LZTR1: variants seen among roughly 807,000 people sequenced by gnomAD.
LZTR1 encodes the protein leucine-zipper-like transcriptional regulator 1.
LZTR1 carries 260 observed loss-of-function variants against 105.7 expected under a neutral mutation model. The ratio of observed to expected loss-of-function variants is 2.46; its 90% CI spans 2.22 to 2.72. The LOEUF (loss-of-function observed/expected upper bound fraction) is 2.72, where lower values mean the gene tolerates loss of function less well. Among genes scored for constraint, LZTR1 ranks in the 30% most tolerant of loss-of-function variants. The pLI is 0.00. For synonymous variants in LZTR1, 490 were observed against 476.4 expected (o/e 1.03, Z -0.37); for missense variants, 1,214 against 1,166.9 (o/e 1.04, Z -0.59).
At chr22:20,983,644 C>G (rs1924276747) in intron 2 of LZTR1, among the ~76,000 whole-genome samples, 1 of 152,248 alleles carries the variant, frequency 6.6e-6, no homozygotes, top group Non-Finnish European at 1.5e-5. Flanking sequence ...CCCTGCCTCT[C>G]AGCCCCAGGA....
In LZTR1 at chr22:20,995,732, C is replaced by T. The variant is rs375112666; in HGVS notation, c.1943-14C>T. On this transcript the variant is annotated splice_polypyrimidine_tract_variant and intron_variant, in intron 16 of 20. Coordinates refer to ENST00000646124, the MANE Select transcript of LZTR1 (RefSeq NM_006767.4). ...TCCCAGGCTGTACCTGCTCAGGGACCCTCCTACCCCCAGGCACATCTCTGA... is the reference window on the plus strand; with the variant it reads ...TCCCAGGCTGTACCTGCTCAGGGACTCTCCTACCCCCAGGCACATCTCTGA... The T allele has an allele frequency of 6.2e-7, 1 of 1,613,244 alleles. No individual in the cohort carries two copies. The highest frequency in any genetic ancestry group is 2.2e-5 in the East Asian group (1 of 44,858).
Position 20,994,852 on chromosome 22 carries a change from T to G in LZTR1, c.1786-18T>G. The G allele has an allele frequency of 6.2e-7, 1 of 1,612,468 alleles. No homozygotes were observed. Among genetic ancestry groups the G allele is most frequent in the Non-Finnish European group, 8.5e-7 (1 of 1,179,566 alleles). On this transcript the variant is annotated intron_variant, in intron 15 of 20. Transcript: ENST00000646124. Reference sequence around the variant, plus strand: ...CCTGGCTTGACTCTGCCTGCCTGCCTGTGCCTGTCTGCCCCAGGAGCACTG... The same window carrying G: ...CCTGGCTTGACTCTGCCTGCCTGCCGGTGCCTGTCTGCCCCAGGAGCACTG...
chr22:20,987,817 AAC>A (rs1443387161), intron 4 of LZTR1, among the ~76,000 whole-genome samples, 191 bp from the exon 5 acceptor site: 2 of 152,146 alleles, frequency 1.3e-5, no homozygotes, highest in East Asian at 3.8e-4. Context: ...TGTGGCTGGG[AAC>A]AGTGTCCTGC....
At position 20,994,282 on chromosome 22, in the gene LZTR1, G is replaced by A; in HGVS notation, c.1615+13G>A. 2.5e-6 allele frequency: 4 copies of A among 1,596,364 alleles called. No individual in the cohort carries two copies. Among genetic ancestry groups the A allele is most frequent in the Non-Finnish European group, 2.5e-6 (3 of 1,178,436 alleles). ...TACCCACGGAAAGGTCCGCCTGGGT[G>A]GGGGTGGAGCAGGGTTGGTGTGGGC... On this transcript the variant is annotated intron_variant, in intron 14 of 20. Coordinates refer to ENST00000646124, the MANE Select transcript of LZTR1 (RefSeq NM_006767.4).
Position 20,982,573 on chromosome 22 carries a change from T to G in LZTR1, c.200+2T>G, listed in dbSNP as rs573971763. The G allele has an allele frequency of 6.2e-7, 1 of 1,610,848 alleles. No individual in the cohort carries two copies. Among genetic ancestry groups the G allele is most frequent in the Non-Finnish European group, 8.5e-7 (1 of 1,178,930 alleles). On this transcript the variant is annotated splice_donor_variant, in intron 1 of 20. Transcript: ENST00000646124. LOFTEE classifies it high-confidence loss of function. ...CTGCGACGAGTTCGTGGGTGCCCGGTACGGTGGGCTTCATGGGGTCCTGAG... is the reference window on the plus strand; with the variant it reads ...CTGCGACGAGTTCGTGGGTGCCCGGGACGGTGGGCTTCATGGGGTCCTGAG...
chr22:20,982,298 TG>T lies in LZTR1; in HGVS notation c.-72del. ...TCAGCGCAGGGCTCGCCGGGAAATG[TG>T]GTTTCTCCAGCCGGCCCGGGGCGGT... On this transcript the variant is annotated 5_prime_UTR_variant, in exon 1 of 21. Transcript: ENST00000646124. The T allele has an allele frequency of 8.3e-7, 1 of 1,199,444 alleles. No homozygotes were observed. Among genetic ancestry groups the T allele is most frequent in the Non-Finnish European group, 1.1e-6 (1 of 870,428 alleles). 74.3% of individuals were successfully genotyped at this position (1,199,444 alleles called of 1,614,324 possible). A position where few individuals can be genotyped will look rare whatever the true frequency, so the allele number is the denominator to read the frequency against.
At chr22:20,995,281 C>A (rs1433662722) in intron 16 of LZTR1, 3 of 681,230 alleles carry the variant, frequency 4.4e-6, no homozygotes, top group South Asian at 3.0e-5. Flanking sequence ...GGACATGGGG[C>A]ACCTCTTTCG....
At chr22:20,992,562 G>A in intron 10 of LZTR1, 193 bp downstream of exon 10, 1 of 692,142 alleles carries the variant, frequency 1.4e-6, no homozygotes, top group Non-Finnish European at 2.4e-6. Flanking sequence ...CCACACACTG[G>A]CCCAAGTGCC....
chr22:20,995,682 G>A (rs1319214566), intron 16 of LZTR1, 64 bp from the exon 17 acceptor site: 5 of 1,594,522 alleles, frequency 3.1e-6, no homozygotes, highest in Non-Finnish European at 4.3e-6. Context: ...CAGGAAGGTA[G>A]TGCCGTGGGG....
At chr22:20,983,464 AC>A (rs1437683492) in intron 2 of LZTR1, among the ~76,000 whole-genome samples, 2 of 152,010 alleles carry the variant, frequency 1.3e-5, no homozygotes, top group African/African-American at 4.8e-5. Flanking sequence ...TGCATTTTTC[AC>A]TTTTTGTGGG....
rs751516987 is a variant in LZTR1 at position 20,995,982 on chromosome 22, C to T, written c.2089C>T (p.Arg697Trp). 2.6e-5 allele frequency: 42 copies of T among 1,613,646 alleles called. No individual in the cohort carries two copies. The highest frequency in any genetic ancestry group is 9.3e-5 in the African/African-American group (7 of 74,916). Residue 697 changes from arginine (R) to tryptophan (W), a missense_variant, in exon 18 of 21, where the codon CGG (arginine) becomes TGG (tryptophan). Arg to Trp is a moderately radical substitution (Grantham distance 101). Transcript: ENST00000646124. ...ARSSYFEAMFRSFMPEDGQVN... is the reference protein window; with the variant it reads ...ARSSYFEAMFWSFMPEDGQVN... ...CTGCAGCTACTTTGAAGCCATGTTCCGGTCCTTCATGCCCGAAGATGGGCA... is the reference window on the plus strand; with the variant it reads ...CTGCAGCTACTTTGAAGCCATGTTCTGGTCCTTCATGCCCGAAGATGGGCA...
In LZTR1 at chr22:20,996,906, AACGC is replaced by A. The variant is rs587777179; in HGVS notation, c.2348_2351del (p.Thr783ArgfsTer5). On this transcript the variant is annotated frameshift_variant, in exon 20 of 21. Coordinates refer to ENST00000646124, the MANE Select transcript of LZTR1 (RefSeq NM_006767.4). LOFTEE classifies it high-confidence loss of function. Reference sequence around the variant, plus strand: ...TGCAGATCCTGGAGGCAGCTGACAAAACGCAGGCACTGGACATGAAGCGGCACTG... The same window carrying A: ...TGCAGATCCTGGAGGCAGCTGACAAAAGGCACTGGACATGAAGCGGCACTG... 2 of 1,612,410 alleles carry A rather than the reference AACGC, an allele frequency of 1.2e-6. No individual in the cohort carries two copies. The highest frequency in any genetic ancestry group is 1.7e-6 in the Non-Finnish European group (2 of 1,179,038).
At chr22:20,988,157 C>G (rs764792824) in intron 5 of LZTR1, 39 bp downstream of exon 5, 5 of 1,385,880 alleles carry the variant, frequency 3.6e-6, no homozygotes, top group Non-Finnish European at 5.1e-6. Flanking sequence ...CAGGCTGGGT[C>G]CTGGGTGGCA....
At chr22:20,983,245 C>A in intron 2 of LZTR1, 156 bp downstream of exon 2, 1 of 668,852 alleles carries the variant, frequency 1.5e-6, no homozygotes, top group East Asian at 2.7e-5. Flanking sequence ...ACTCACCTCC[C>A]TGGTCGTGGT....
In LZTR1 at chr22:20,992,190, T is replaced by G. The variant is rs1450002746; in HGVS notation, c.994-24T>G. On this transcript the variant is annotated intron_variant, in intron 9 of 20. Transcript: ENST00000646124. Reference sequence around the variant, plus strand: ...ACCTGGCCCTTGCCAACTGGTCTCATGCCCATGTGTCTCCCCTCTTCAGGT... The same window carrying G: ...ACCTGGCCCTTGCCAACTGGTCTCAGGCCCATGTGTCTCCCCTCTTCAGGT... The G allele has an allele frequency of 2.5e-6, 4 of 1,607,046 alleles. No homozygotes were observed. In the East Asian group the frequency reaches 8.9e-5, roughly 36 times the overall value.
chr22:20,990,474 G>A lies in LZTR1; in HGVS notation c.740G>A (p.Ser247Asn), dbSNP rs797045166. The A allele has an allele frequency of 6.2e-7, 1 of 1,613,996 alleles. No homozygotes were observed. Among genetic ancestry groups the A allele is most frequent in the Non-Finnish European group, 8.5e-7 (1 of 1,179,986 alleles). The change falls in exon 8 of 21, where the codon AGC becomes AAC. Residue 247 changes from serine to asparagine, a missense_variant. Physicochemically the swap from Ser to Asn is conservative, Grantham distance 46. Coordinates refer to ENST00000646124, the MANE Select transcript of LZTR1 (RefSeq NM_006767.4). ...AAGATGTTTGTATTCTCTGGGCAAA[G>A]CGGAGCCAAAATAACCAACAACCTC... is the stretch of plus-strand genomic sequence containing the variant. ...RDKMFVFSGQ[S>N]GAKITNNLFQ...
At chr22:20,989,972 T>C (rs1161771582) in intron 7 of LZTR1, among the ~76,000 whole-genome samples, 2 of 152,150 alleles carry the variant, frequency 1.3e-5, no homozygotes, top group Non-Finnish European at 2.9e-5. Context: ...GAGTGCCACG[T>C]GTGTGAGGAT....
At chr22:20,989,771 G>A (rs1924535101) in intron 7 of LZTR1, 89 bp downstream of exon 7, 5 of 1,259,174 alleles carry the variant, frequency 4.0e-6, no homozygotes, top group Non-Finnish European at 5.6e-6. Flanking sequence ...GGGGCATGGG[G>A]AGACAGGGTG....
chr22:20,993,918 G>C lies in LZTR1; in HGVS notation c.1354-6G>C, dbSNP rs768412833. 6 of 1,610,844 alleles carry C rather than the reference G, an allele frequency of 3.7e-6. No homozygotes were observed. Among genetic ancestry groups the C allele is most frequent in the African/African-American group, 2.7e-5 (2 of 75,072 alleles). ...GCCCTCTGCCAGTGCATCATTCTTT[G>C]TGCAGAAGGAGGAGTGCGTGCAGGG... On this transcript the variant is annotated splice_polypyrimidine_tract_variant and splice_region_variant and intron_variant, in intron 12 of 20. Transcript: ENST00000646124.
Sources: allele counts gnomAD v4.1 joint callset (sites outside exome capture counted in the v4.1 genomes callset), GRCh38; gene constraint gnomAD v4.1.1; transcripts MANE v1.5; gene names NCBI Gene and HGNC (gene_info 2026-07-23, HGNC 2026-07-21).